Variants in INPP5D observed in about 807,000 individuals in gnomAD.
INPP5D encodes the protein phosphatidylinositol 3,4,5-trisphosphate 5-phosphatase 1.
Under a neutral mutation model 122.9 loss-of-function variants are expected in INPP5D, and 33 were observed. That is an observed-to-expected ratio of 0.27 (90% CI 0.20 to 0.36). The LOEUF is 0.36. Among genes scored for constraint, INPP5D ranks in the 10% least tolerant of loss-of-function variants. The pLI is 1.00. For missense variants in INPP5D, 1,053 were observed against 1,412.7 expected, an observed-to-expected ratio of 0.75 and a Z score of 4.08; for synonymous variants, 584 against 576.2, an observed-to-expected ratio of 1.01 and a Z score of -0.19.
At chr2:233,097,723 C>T (rs1692184727) in intron 2 of INPP5D, among the ~76,000 whole-genome samples, 1 of 152,112 alleles carries the variant, frequency 6.6e-6, no homozygotes, top group Non-Finnish European at 1.5e-5. Context: ...ATTCTTTTGG[C>T]TTCCCTAGGT....
At chr2:233,147,321 G>C (rs1032390788) in intron 8 of INPP5D, 150 bp from the exon 9 acceptor site, 10 of 604,136 alleles carry the variant, frequency 1.7e-5, no homozygotes, top group Non-Finnish European at 3.0e-5. Flanking sequence ...AAACATGCAC[G>C]TGCGCCGCTG....
chr2:233,174,773 C>G (rs1487920805), intron 17 of INPP5D, among the ~76,000 whole-genome samples: 2 of 122,242 alleles, frequency 1.6e-5, no homozygotes, highest in Non-Finnish European at 3.3e-5. Context: ...GCCTGGGCAA[C>G]AGAGTGAGAC....
At chr2:233,138,019 TAATG>T (rs1399562124) in intron 5 of INPP5D, among the ~76,000 whole-genome samples, 1 of 146,032 alleles carries the variant, frequency 6.8e-6, no homozygotes, top group Non-Finnish European at 1.5e-5. Context: ...ATTATATTAA[TAATG>T]TAATGAGAAA....
chr2:233,161,868 T>C lies in INPP5D; in HGVS notation c.1240+42T>C, dbSNP rs780526930. On this transcript the variant is annotated intron_variant, in intron 11 of 26. Transcript: ENST00000445964. ...CCTCCCTGCAGTCACCCCCTCTGCTTCTGCTTTCCTGACTCAGGCATCCTC... is the reference window on the plus strand; with the variant it reads ...CCTCCCTGCAGTCACCCCCTCTGCTCCTGCTTTCCTGACTCAGGCATCCTC... 6 of 1,582,376 alleles carry C rather than the reference T, an allele frequency of 3.8e-6. No homozygotes were observed. The Admixed American group carries it at 1.1e-4, about 29-fold the overall frequency.
intron 2 of INPP5D, among the ~76,000 whole-genome samples, chr2:233,090,578 C>T (rs1052806028): frequency 6.6e-6 from 1 of 152,152 alleles, no homozygotes; most frequent in African/African-American, 2.4e-5. Flanking sequence ...GAGTTCTCAG[C>T]GCCCTCACAC....
Position 233,078,779 on chromosome 2 carries a change from T to C in INPP5D, c.135-556T>C, listed in dbSNP as rs1691594586. Among the ~76,000 whole-genome samples the C allele has an allele frequency of 6.6e-6, 1 of 152,048 alleles. No individual in the cohort carries two copies. The highest frequency in any genetic ancestry group is 1.5e-5 in the Non-Finnish European group (1 of 68,006). ...CTCACTGCAACCTCCGCCTCCTGGG[T>C]TCAAGTGATTCTTTTGCCTCAGCCT... On this transcript the variant is annotated intron_variant, in intron 1 of 26. Transcript: ENST00000445964. The surrounding 1 kb of genome is among the most constrained non-coding windows in gnomAD (Gnocchi z 4.6).
intron 22 of INPP5D, among the ~76,000 whole-genome samples, chr2:233,192,658 G>A (rs550696768): frequency 2.6e-5 from 4 of 152,286 alleles, no homozygotes; most frequent in Admixed American, 2.6e-4. Context: ...TTGAGGCTCT[G>A]TCAGTTGTTT....
At chr2:233,098,017 C>T (rs1692195696) in intron 2 of INPP5D, among the ~76,000 whole-genome samples, 1 of 152,020 alleles carries the variant, frequency 6.6e-6, no homozygotes, top group Non-Finnish European at 1.5e-5. Context: ...TCCTGAGTAG[C>T]TGGGATGACA....
intron 2 of INPP5D, among the ~76,000 whole-genome samples, chr2:233,080,000 G>A (rs1403322657): frequency 6.6e-6 from 1 of 152,122 alleles, no homozygotes; most frequent in East Asian, 1.9e-4. Flanking sequence ...CGCCATGTCG[G>A]CTCCCTGCAA....
intron 5 of INPP5D, among the ~76,000 whole-genome samples, chr2:233,134,970 AT>A (rs60717007): frequency 0.37 from 55,667 of 151,996 alleles, 11,679 homozygotes; most frequent in Non-Finnish European, 0.46. Flanking sequence ...GCAAACCTAG[AT>A]GAGGAAATGT....
chr2:233,075,823 C>T (rs1691506018), intron 1 of INPP5D, among the ~76,000 whole-genome samples: 1 of 152,074 alleles, frequency 6.6e-6, no homozygotes, highest in African/African-American at 2.4e-5. Context: ...TGATTCAGCC[C>T]TGGGGGTCAG....
At chr2:233,145,863 T>A in intron 6 of INPP5D, 1 of 563,652 alleles carries the variant, frequency 1.8e-6, no homozygotes, top group East Asian at 4.1e-5. Context: ...GGAGGAAAGG[T>A]AACATGCAAG....
rs780714404 is a variant in INPP5D at position 233,198,097 on chromosome 2, C to A, written c.2696C>A (p.Ala899Asp). 1 of 1,591,808 alleles carries A rather than the reference C, an allele frequency of 6.3e-7. No individual in the cohort carries two copies. The highest frequency in any genetic ancestry group is 2.2e-5 in the East Asian group (1 of 44,460). ...PMKQWEVTSRAPPCSGSSITE... is the reference protein window; with the variant it reads ...PMKQWEVTSRDPPCSGSSITE... ...GTGACTCCATGTCCTCCCTGCAGGG[C>A]CCCTCCGTGCAGTGGCTCCAGCATC... Residue 899 changes from alanine (A) to aspartate (D), a missense_variant and splice_region_variant, in exon 25 of 27, where the codon GCC becomes GAC. Coordinates refer to ENST00000445964, the MANE Select transcript of INPP5D (RefSeq NM_001017915.3).
chr2:233,190,769 G>C (rs1276694350), intron 22 of INPP5D, among the ~76,000 whole-genome samples: 1 of 152,220 alleles, frequency 6.6e-6, no homozygotes, highest in Non-Finnish European at 1.5e-5. Context: ...AGCCTGGAGG[G>C]GACAGAGAGA....
chr2:233,147,353 C>G, intron 8 of INPP5D, 118 bp from the exon 9 acceptor site: 1 of 634,814 alleles, frequency 1.6e-6, no homozygotes, highest in African/African-American at 1.8e-5. Flanking sequence ...GCCCAGTGGC[C>G]CCACGAAGGA....
chr2:233,119,824 C>T (rs1692919110), intron 2 of INPP5D, among the ~76,000 whole-genome samples: 1 of 152,232 alleles, frequency 6.6e-6, no homozygotes, highest in Non-Finnish European at 1.5e-5. Context: ...CCTAACCCTG[C>T]TCCCTGATGT....
chr2:233,086,542 G>C (rs1230654722), intron 2 of INPP5D, among the ~76,000 whole-genome samples: 1 of 152,096 alleles, frequency 6.6e-6, no homozygotes, highest in African/African-American at 2.4e-5. Flanking sequence ...CTCTGCTGCT[G>C]CCTTGTAACC....
At chr2:233,155,083 T>C (rs946560019) in intron 9 of INPP5D, among the ~76,000 whole-genome samples, 1 of 149,120 alleles carries the variant, frequency 6.7e-6, no homozygotes, top group African/African-American at 2.5e-5. Context: ...CAGAATTATA[T>C]CTAGAAAGGA....
chr2:233,095,615 CAAAAAAAAAAAA>C (rs59030376), intron 2 of INPP5D, among the ~76,000 whole-genome samples: 1 of 129,154 alleles, frequency 7.7e-6, no homozygotes, highest in African/African-American at 2.8e-5. Flanking sequence ...GAAACTGTCT[CAAAAAAAAAAAA>C]AAAAAAAAAA....
Sources: allele counts gnomAD v4.1 joint callset (sites outside exome capture counted in the v4.1 genomes callset), GRCh38; gene constraint gnomAD v4.1.1; non-coding constraint Gnocchi (gnomAD v3.1); transcripts MANE v1.5; gene names NCBI Gene and HGNC (gene_info 2026-07-23, HGNC 2026-07-21).